Variants in NAA15 observed in about 807,000 individuals in gnomAD.
The protein encoded by NAA15 is N-alpha-acetyltransferase 15, NatA auxiliary subunit.
A neutral mutation model predicts 114.0 loss-of-function variants in NAA15; 34 were observed. The ratio of observed to expected loss-of-function variants is 0.30; its 90% confidence interval spans 0.23 to 0.40. The LOEUF (loss-of-function observed/expected upper bound fraction) is 0.40, where lower values mean the gene tolerates loss of function less well. NAA15 is among the 10% of genes least tolerant of loss of function. NAA15 has a pLI of 1.00. For missense variants in NAA15, 658 were observed against 1,004.5 expected, an observed-to-expected ratio of 0.66 and a Z score of 4.66; for synonymous variants, 340 against 338.0, an observed-to-expected ratio of 1.01 and a Z score of -0.06.
chr4:139,307,125 T>G (rs766523514), intron 1 of NAA15, among the ~76,000 whole-genome samples: 7 of 152,240 alleles, frequency 4.6e-5, no homozygotes, highest in Non-Finnish European at 8.8e-5. Context: ...TTGTCACTAT[T>G]TGCCAGGTAA....
At chr4:139,375,928 G>T (rs1362312261) in intron 15 of NAA15, among the ~76,000 whole-genome samples, 1 of 151,830 alleles carries the variant, frequency 6.6e-6, no homozygotes, top group Non-Finnish European at 1.5e-5. Flanking sequence ...AAGACAGAAT[G>T]GATAGTGTAG....
intron 1 of NAA15, chr4:139,318,277 A>C (rs2110856464): frequency 6.6e-6 from 1 of 152,222 alleles, no homozygotes; most frequent in South Asian, 2.1e-4. Context: ...CTAACGCCAA[A>C]ATTTTTTTTA....
In NAA15 at chr4:139,348,113, TC is replaced by T. The variant is rs1747656177; in HGVS notation, c.692-1348del. ...GTGATGAAAGTAATAGTAATCTATC[TC>T]ATAGAGTTCTGAGAATTGAATTAGT... On this transcript the variant is annotated intron_variant, in intron 6 of 19. Coordinates refer to ENST00000296543, the MANE Select transcript of NAA15 (RefSeq NM_057175.5). Among the ~76,000 whole-genome samples the T allele has an allele frequency of 3.3e-5, 5 of 151,660 alleles. No homozygotes were observed. In the South Asian group the frequency reaches 1.0e-3, roughly 32 times the overall value.
chr4:139,346,553 A>ATTT (rs111574999), intron 6 of NAA15, among the ~76,000 whole-genome samples: 4 of 150,728 alleles, frequency 2.7e-5, no homozygotes, highest in Non-Finnish European at 5.9e-5. Flanking sequence ...GCAAAAAAAA[A>ATTT]ATTTTTTTTT....
intron 11 of NAA15, 22 bp from the exon 12 acceptor site, chr4:139,359,721 T>C: frequency 6.3e-7 from 1 of 1,581,810 alleles, no homozygotes; most frequent in Non-Finnish European, 8.5e-7. Flanking sequence ...AACTGGTTTA[T>C]TTTGCTTTTG....
chr4:139,356,975 A>C (rs1383568243), intron 10 of NAA15, among the ~76,000 whole-genome samples: 1 of 128,242 alleles, frequency 7.8e-6, no homozygotes, highest in Non-Finnish European at 1.6e-5. Flanking sequence ...AACTCAATTA[A>C]GCAGCCAGGG....
intron 2 of NAA15, among the ~76,000 whole-genome samples, chr4:139,335,430 A>G (rs1046894658): frequency 2.6e-5 from 4 of 152,110 alleles, no homozygotes; most frequent in Admixed American, 6.6e-5. Context: ...CAGTGGCGCA[A>G]TCTCAGCTCA....
In NAA15 at chr4:139,346,653, C is replaced by T. The variant is rs567885343; in HGVS notation, c.691+2314C>T. Among the ~76,000 whole-genome samples, 9 of 152,018 alleles carry T rather than the reference C, an allele frequency of 5.9e-5. No individual in the cohort carries two copies. The South Asian group carries it at 1.2e-3, about 21-fold the overall frequency. Reference sequence around the variant, plus strand: ...GCAACCTCCACCTCCCGGGTTCAAGCGATTCTGCCTCAGCCTCCCGAGTAG... The same window carrying T: ...GCAACCTCCACCTCCCGGGTTCAAGTGATTCTGCCTCAGCCTCCCGAGTAG... On this transcript the variant is annotated intron_variant, in intron 6 of 19. Coordinates refer to ENST00000296543, the MANE Select transcript of NAA15 (RefSeq NM_057175.5).
rs1042161796 is a variant in NAA15 at position 139,325,529 on chromosome 4, C to T, written c.55-8645C>T. On this transcript the variant is annotated intron_variant, in intron 1 of 19. Transcript: ENST00000296543. ...CCGAGGAGTCTCTTTGAAAAACATACGATAAACAAATAAAGGTGTTTCCAG... is the reference window on the plus strand; with the variant it reads ...CCGAGGAGTCTCTTTGAAAAACATATGATAAACAAATAAAGGTGTTTCCAG... Among the ~76,000 whole-genome samples the T allele has an allele frequency of 3.9e-5, 6 of 152,022 alleles. No individual in the cohort carries two copies. The South Asian group carries it at 8.3e-4, about 21-fold the overall frequency.
chr4:139,304,151 C>G (rs1299038665), intron 1 of NAA15, among the ~76,000 whole-genome samples: 1 of 152,238 alleles, frequency 6.6e-6, no homozygotes, highest in Non-Finnish European at 1.5e-5. Flanking sequence ...ATCTCCTGAC[C>G]TAGTGATCCG....
intron 11 of NAA15, among the ~76,000 whole-genome samples, chr4:139,358,191 GTT>G (rs200019923): frequency 7.0e-6 from 1 of 143,548 alleles, no homozygotes; most frequent in African/African-American, 2.5e-5. Context: ...TTTTGTTTTT[GTT>G]TTTTTTTTTT....
Position 139,388,083 on chromosome 4 carries a change from GA to G in NAA15, c.*1del. On this transcript the variant is annotated frameshift_variant and stop_lost, in exon 20 of 20. Coordinates refer to ENST00000296543, the MANE Select transcript of NAA15 (RefSeq NM_057175.5). LOFTEE classifies it high-confidence loss of function. ...AEAEELANEI[*>X] Reference sequence around the variant, plus strand: ...GCTGAAGAACTGGCCAATGAAATTTGAACATCACTAAACAAGCAAATGGAAT... The same window carrying G: ...GCTGAAGAACTGGCCAATGAAATTTGACATCACTAAACAAGCAAATGGAAT... The G allele has an allele frequency of 6.2e-7, 1 of 1,613,010 alleles. No homozygotes were observed. The highest frequency in any genetic ancestry group is 8.5e-7 in the Non-Finnish European group (1 of 1,179,432).
chr4:139,356,859 CATCTTTGCAT>C (rs1323676689), intron 10 of NAA15, among the ~76,000 whole-genome samples: 2 of 151,860 alleles, frequency 1.3e-5, no homozygotes, highest in African/African-American at 4.8e-5. Context: ...TTAAATTATG[CATCTTTGCAT>C]ATTCAGCATA....
intron 1 of NAA15, among the ~76,000 whole-genome samples, chr4:139,310,613 A>C (rs1309848306): frequency 1.3e-5 from 2 of 151,238 alleles, no homozygotes; most frequent in Admixed American, 6.6e-5. Flanking sequence ...TTTAATTTTA[A>C]ATTTATTTTT....
intron 17 of NAA15, 102 bp downstream of exon 17, chr4:139,378,956 C>A: frequency 1.4e-6 from 1 of 693,834 alleles, no homozygotes; most frequent in Non-Finnish European, 2.4e-6. Context: ...GATTTTAAAG[C>A]TGTCACATAC....
At chr4:139,338,845 C>G (rs555894946) in intron 3 of NAA15, among the ~76,000 whole-genome samples, 7 of 151,762 alleles carry the variant, frequency 4.6e-5, no homozygotes, top group African/African-American at 1.5e-4. Context: ...GAGTTTCACT[C>G]TGTCACCCAG....
At chr4:139,301,887 G>C (rs1745771634) in intron 1 of NAA15, 56 bp downstream of exon 1, 18 of 1,538,452 alleles carry the variant, frequency 1.2e-5, no homozygotes, top group Non-Finnish European at 1.6e-5. Flanking sequence ...AACCGGGCCT[G>C]TCACCCCTAA....
intron 9 of NAA15, 70 bp downstream of exon 9, chr4:139,351,681 G>T: frequency 1.2e-6 from 1 of 836,440 alleles, no homozygotes; most frequent in Non-Finnish European, 2.1e-6. Flanking sequence ...ATTGATTCTT[G>T]ATTATCTCTG....
intron 5 of NAA15, 65 bp downstream of exon 5, chr4:139,343,025 G>C: frequency 7.1e-7 from 1 of 1,413,054 alleles, no homozygotes; most frequent in Non-Finnish European, 9.7e-7. Flanking sequence ...AATGTGCATA[G>C]TCTGGCTTAC....
Sources: gnomAD v4.1 joint callset for allele counts (sites outside exome capture counted in the v4.1 genomes callset) on GRCh38, gnomAD v4.1.1 for gene constraint, MANE v1.5 for transcripts, NCBI Gene and HGNC (gene_info 2026-07-23, HGNC 2026-07-21) for gene names.